The following ZNF487 variants were observed in gnomAD, a reference collection of about 807,000 sequenced individuals.
The protein encoded by ZNF487 is zinc finger protein 487.
ZNF487 carries 4 observed loss-of-function variants against 3.0 expected under a neutral mutation model. That is an observed-to-expected ratio of 1.35 (90% CI 0.66 to 3.08). The LOEUF is 3.08. Ranked by LOEUF, ZNF487 falls within the 30% of genes most tolerant of loss-of-function variation. ZNF487 has a pLI of 0.01. For missense variants in ZNF487, 146 were observed against 98.7 expected (o/e 1.48, Z -2.03); for synonymous variants, 55 against 34.6 (o/e 1.59, Z -2.06).
chr10:43,516,537 C>T, the ZNF487 span, among the ~76,000 whole-genome samples: 2 of 152,106 alleles, frequency 1.3e-5, no homozygotes, highest in African/African-American at 2.4e-5. Flanking sequence ...CACATCATCA[C>T]GAGGTCCCAC....
intron 3 of ZNF487, among the ~76,000 whole-genome samples, chr10:43,479,574 T>G (rs1841233256): frequency 6.6e-6 from 1 of 152,170 alleles, no homozygotes; most frequent in Non-Finnish European, 1.5e-5. Context: ...AAGCATTACT[T>G]GTGACAAAAA....
At chr10:43,497,393 A>G in the ZNF487 span, among the ~76,000 whole-genome samples, 1 of 152,138 alleles carries the variant, frequency 6.6e-6, no homozygotes, top group African/African-American at 2.4e-5. Flanking sequence ...GTTTCTGAAT[A>G]TTCTAGGCAT....
chr10:43,455,165 C>G (rs1386005442), intron 1 of ZNF487, among the ~76,000 whole-genome samples: 1 of 151,844 alleles, frequency 6.6e-6, no homozygotes, highest in Non-Finnish European at 1.5e-5. Flanking sequence ...CCCGCCACCA[C>G]GCCCGGCCAA....
At chr10:43,474,769 GAC>G (rs1841031758) in intron 1 of ZNF487, among the ~76,000 whole-genome samples, 1 of 151,970 alleles carries the variant, frequency 6.6e-6, no homozygotes. Flanking sequence ...TTTTAATAGA[GAC>G]AGGGTTTCAC....
chr10:43,474,441 T>TG (rs1564426031), intron 1 of ZNF487, among the ~76,000 whole-genome samples: 1 of 151,376 alleles, frequency 6.6e-6, no homozygotes, highest in Non-Finnish European at 1.5e-5. Flanking sequence ...GTGACATGCC[T>TG]GGAGCCCCAT....
intron 1 of ZNF487, among the ~76,000 whole-genome samples, chr10:43,455,011 C>CTTT (rs754096470): frequency 7.8e-6 from 1 of 128,512 alleles, no homozygotes; most frequent in African/African-American, 2.9e-5. Flanking sequence ...TTAGTTTGCA[C>CTTT]TTTTTTTTTT....
At chr10:43,503,253 A>T in the ZNF487 span, among the ~76,000 whole-genome samples, 4 of 152,154 alleles carry the variant, frequency 2.6e-5, no homozygotes, top group Non-Finnish European at 5.9e-5. Context: ...CTTAGTTTTT[A>T]ATGAAACATT....
At chr10:43,437,522 C>A (rs1400236829) in intron 1 of ZNF487, among the ~76,000 whole-genome samples, 4 of 152,074 alleles carry the variant, frequency 2.6e-5, no homozygotes, top group African/African-American at 9.7e-5. Flanking sequence ...TTGGGAGAGT[C>A]CTGGACGAGT....
At chr10:43,447,091 A>G (rs1360873363) in intron 1 of ZNF487, among the ~76,000 whole-genome samples, 1 of 151,670 alleles carries the variant, frequency 6.6e-6, no homozygotes, top group Non-Finnish European at 1.5e-5. Context: ...CGGCAGGCTG[A>G]GGCAGGAGAA....
At chr10:43,488,450 C>A in the ZNF487 span, among the ~76,000 whole-genome samples, 1 of 152,004 alleles carries the variant, frequency 6.6e-6, no homozygotes, top group Admixed American at 6.6e-5. Context: ...TAATAAGGAG[C>A]AAAGCTAAGT....
At chr10:43,464,024 C>A (rs1417578168) in intron 1 of ZNF487, among the ~76,000 whole-genome samples, 1 of 151,896 alleles carries the variant, frequency 6.6e-6, no homozygotes, top group Non-Finnish European at 1.5e-5. Context: ...TCTCAGTGTT[C>A]CAGTGAGAGG....
At chr10:43,446,494 A>G (rs963047205) in intron 1 of ZNF487, among the ~76,000 whole-genome samples, 3 of 146,158 alleles carry the variant, frequency 2.1e-5, no homozygotes, top group African/African-American at 5.1e-5. Flanking sequence ...GTGGCCGGGC[A>G]GAGGCGCTCC....
chr10:43,476,843 G>T (rs1554800290), intron 3 of ZNF487, among the ~76,000 whole-genome samples: 1 of 152,148 alleles, frequency 6.6e-6, no homozygotes, highest in African/African-American at 2.4e-5. Flanking sequence ...GAGACTGCTC[G>T]CTGAGGTGCC....
chr10:43,487,595 A>G (rs561649310), downstream of ZNF487, among the ~76,000 whole-genome samples: 25 of 151,318 alleles, frequency 1.7e-4, no homozygotes, highest in South Asian at 4.2e-4. Context: ...GATTACAGGC[A>G]TGTGCCACCA....
chr10:43,458,780 T>A (rs534510138), intron 1 of ZNF487, among the ~76,000 whole-genome samples: 181 of 151,914 alleles, frequency 1.2e-3, no homozygotes, highest in Non-Finnish European at 2.3e-3. Flanking sequence ...GTCAGTACAT[T>A]TCTAGGGATG....
intron 1 of ZNF487, among the ~76,000 whole-genome samples, chr10:43,465,809 C>G (rs1320925439): frequency 6.6e-6 from 1 of 152,222 alleles, no homozygotes; most frequent in African/African-American, 2.4e-5. Context: ...AGGCTGCAAT[C>G]TCGGCACTTT....
chr10:43,438,010 TC>T (rs1839447603), intron 1 of ZNF487, among the ~76,000 whole-genome samples: 1 of 151,980 alleles, frequency 6.6e-6, no homozygotes, highest in South Asian at 2.1e-4. Flanking sequence ...TTCATTGAGT[TC>T]CTTTGCCTCC....
chr10:43,441,356 C>T (rs1839601715), intron 1 of ZNF487, among the ~76,000 whole-genome samples: 1 of 151,962 alleles, frequency 6.6e-6, no homozygotes, highest in Non-Finnish European at 1.5e-5. Flanking sequence ...ACTTCCGCCT[C>T]CCGGGTTCCA....
At chr10:43,470,720 T>C (rs1336914581) in intron 1 of ZNF487, among the ~76,000 whole-genome samples, 1 of 152,176 alleles carries the variant, frequency 6.6e-6, no homozygotes, top group African/African-American at 2.4e-5. Flanking sequence ...GGATTTGCCA[T>C]GTTGCCCAGG....
Sources: gnomAD v4.1 joint callset for allele counts (sites outside exome capture counted in the v4.1 genomes callset) on GRCh38, gnomAD v4.1.1 for gene constraint, MANE v1.5 for transcripts, NCBI Gene and HGNC (gene_info 2026-07-23, HGNC 2026-07-21) for gene names.